The following NSL1 variants were observed in gnomAD, a reference collection of about 807,000 sequenced individuals.
NSL1 encodes the protein NSL1 component of MIS12 kinetochore complex, also known as kinetochore-associated protein NSL1 homolog.
Under a neutral mutation model 25.4 loss-of-function variants are expected in NSL1, and 11 were observed. The ratio of observed to expected loss-of-function variants is 0.43; its 90% CI spans 0.27 to 0.72. The LOEUF (loss-of-function observed/expected upper bound fraction) is 0.72, where lower values mean the gene tolerates loss of function less well. Ranked by LOEUF, NSL1 falls within the 30% of genes least tolerant of loss-of-function variation. NSL1 has a pLI of 0.19. For missense variants in NSL1, 330 were observed against 342.7 expected (o/e 0.96, Z 0.29); for synonymous variants, 118 against 120.6 (o/e 0.98, Z 0.14).
intron 4 of NSL1, among the ~76,000 whole-genome samples, chr1:212,767,565 T>C (rs545471185): frequency 6.6e-6 from 1 of 151,916 alleles, no homozygotes; most frequent in Non-Finnish European, 1.5e-5. Flanking sequence ...CAAAAATAAA[T>C]AAATGGGACC....
chr1:212,761,852 G>A (rs1659580708), intron 4 of NSL1, among the ~76,000 whole-genome samples: 1 of 151,480 alleles, frequency 6.6e-6, no homozygotes, highest in Admixed American at 6.6e-5. Context: ...AAATACAATT[G>A]AGAGCTTCAG....
intron 4 of NSL1, among the ~76,000 whole-genome samples, chr1:212,753,215 C>T (rs901641787): frequency 6.6e-6 from 1 of 152,226 alleles, no homozygotes; most frequent in African/African-American, 2.4e-5. Flanking sequence ...CCATGTTGCA[C>T]CTCTCTTAAG....
In NSL1 at chr1:212,738,177, T is replaced by C; in HGVS notation, c.*231A>G. The C allele has an allele frequency of 8.1e-7, 1 of 1,241,628 alleles. No homozygotes were observed. 76.9% of individuals were successfully genotyped at this position (1,241,628 alleles called of 1,614,324 possible). The stretch of plus-strand genomic sequence containing the variant: ...TTTTAATATTTTTAATGCCCACTGA[T>C]GGGCTTTGTGTCAATACTTTTTAAA... On this transcript the variant is annotated 3_prime_UTR_variant, in exon 6 of 6. Transcript: ENST00000366977.
intron 4 of NSL1, among the ~76,000 whole-genome samples, chr1:212,749,339 GTTTTT>G (rs10717383): frequency 5.2e-5 from 4 of 76,952 alleles, no homozygotes; most frequent in South Asian, 5.1e-4. Context: ...GTTTTATTGT[GTTTTT>G]TTTTTTTTTT....
At chr1:212,773,554 G>A (rs76357354) in intron 4 of NSL1, among the ~76,000 whole-genome samples, 3,469 of 152,272 alleles carry the variant, frequency 0.023, 63 homozygotes, top group South Asian at 0.042. Context: ...GTGAGGATGT[G>A]AAGAAAAGGG....
chr1:212,738,789 G>A, intron 5 of NSL1, 103 bp from the exon 6 acceptor site: 1 of 909,242 alleles, frequency 1.1e-6, no homozygotes, highest in Non-Finnish European at 1.6e-6. Flanking sequence ...TTCTTGAGAA[G>A]TCTTGCTTTG....
At chr1:212,784,642 G>A (rs1660865354) in intron 2 of NSL1, 149 bp from the exon 3 acceptor site, 1 of 479,888 alleles carries the variant, frequency 2.1e-6, no homozygotes, top group Admixed American at 3.7e-5. Flanking sequence ...CCCCACTTTG[G>A]TGATTAATTT....
intron 4 of NSL1, among the ~76,000 whole-genome samples, chr1:212,779,012 G>A (rs1405138848): frequency 3.4e-5 from 5 of 147,312 alleles, no homozygotes; most frequent in African/African-American, 7.6e-5. Flanking sequence ...CTGCCCGGCC[G>A]CCCATCGTCT....
At chr1:212,757,444 A>G (rs1659368074) in intron 4 of NSL1, among the ~76,000 whole-genome samples, 1 of 152,208 alleles carries the variant, frequency 6.6e-6, no homozygotes, top group African/African-American at 2.4e-5. Flanking sequence ...AGGAATATGT[A>G]AGACTGGGTA....
At chr1:212,790,833 G>A (rs1049901164) in intron 1 of NSL1, among the ~76,000 whole-genome samples, 16 of 151,980 alleles carry the variant, frequency 1.1e-4, no homozygotes, top group African/African-American at 3.6e-4. Context: ...TGAGGCAGGA[G>A]AATGGCGTGA....
chr1:212,758,510 G>A (rs1285855496), intron 4 of NSL1, among the ~76,000 whole-genome samples: 1 of 152,100 alleles, frequency 6.6e-6, no homozygotes, highest in Non-Finnish European at 1.5e-5. Flanking sequence ...CTACACAGTA[G>A]CAAAGAAGAA....
At chr1:212,763,369 A>C (rs6690689) in intron 4 of NSL1, among the ~76,000 whole-genome samples, 61,091 of 151,530 alleles carry the variant, frequency 0.4, 13,917 homozygotes, top group Non-Finnish European at 0.51. Context: ...AAAAACAACA[A>C]CAGAATGAAA....
At chr1:212,748,391 C>A (rs572326818) in intron 4 of NSL1, among the ~76,000 whole-genome samples, 1 of 152,002 alleles carries the variant, frequency 6.6e-6, no homozygotes, top group Non-Finnish European at 1.5e-5. Context: ...TATATATCTA[C>A]GAGAGATGAG....
In NSL1 at chr1:212,779,707, C is replaced by T. The variant is rs71515164; in HGVS notation, c.499+2665G>A. ...GGAAGTGAGGAGCCCCACTGCCCGG[C>T]CAGCCGCCCCATCCGGGAGGGAGGT... On this transcript the variant is annotated intron_variant, in intron 4 of 5. Transcript: ENST00000366977. 8.4e-3 allele frequency among the ~76,000 whole-genome samples: 396 copies of T among 47,364 alleles called. 60 individuals carry two copies. The highest frequency in any genetic ancestry group is 0.016 in the Non-Finnish European group (242 of 15,422). The allele number at this position is 47,364 out of a possible 152,430, so 31.1% of individuals were successfully genotyped here.
At chr1:212,740,649 G>A (rs1658462711) in intron 4 of NSL1, among the ~76,000 whole-genome samples, 1 of 152,100 alleles carries the variant, frequency 6.6e-6, no homozygotes, top group African/African-American at 2.4e-5. Context: ...CCAAGACACA[G>A]GACATTTTCA....
chr1:212,738,173 C>T lies in NSL1; in HGVS notation c.*235G>A. ...GCACTTTTAATATTTTTAATGCCCA[C>T]TGATGGGCTTTGTGTCAATACTTTT... On this transcript the variant is annotated 3_prime_UTR_variant, in exon 6 of 6. Coordinates refer to ENST00000366977, the MANE Select transcript of NSL1 (RefSeq NM_015471.4). 2 of 1,227,586 alleles carry T rather than the reference C, an allele frequency of 1.6e-6. No individual in the cohort carries two copies. Among genetic ancestry groups the T allele is most frequent in the Non-Finnish European group, 2.0e-6 (2 of 983,340 alleles). The allele number at this position is 1,227,586 out of a possible 1,614,324, so 76.0% of individuals were successfully genotyped here. A position where few individuals can be genotyped will look rare whatever the true frequency, so the allele number is the denominator to read the frequency against.
In NSL1 at chr1:212,791,516, A is replaced by G. The variant is rs763106769; in HGVS notation, c.234+14T>C. On this transcript the variant is annotated intron_variant, in intron 1 of 5. Transcript: ENST00000366977. Reference sequence around the variant, plus strand: ...GAGGATGATGAGTAAAGAACTGGCTAACTGGTCCCGTACCCACTGCGCATC... The same window carrying G: ...GAGGATGATGAGTAAAGAACTGGCTGACTGGTCCCGTACCCACTGCGCATC... The G allele has an allele frequency of 1.2e-6, 2 of 1,605,918 alleles. No individual in the cohort carries two copies. Among genetic ancestry groups the G allele is most frequent in the South Asian group, 1.1e-5 (1 of 90,748 alleles).
chr1:212,751,003 GAATATACTCGTAGTAAT>G (rs1007116930), intron 4 of NSL1, among the ~76,000 whole-genome samples: 1 of 151,970 alleles, frequency 6.6e-6, no homozygotes, highest in Non-Finnish European at 1.5e-5. Flanking sequence ...ATTCAAGAAA[GAATATACTCGTAGTAAT>G]AATTATCTGA....
chr1:212,775,340 C>G (rs1034306245), intron 4 of NSL1, among the ~76,000 whole-genome samples: 2 of 150,820 alleles, frequency 1.3e-5, no homozygotes, highest in African/African-American at 2.5e-5. Flanking sequence ...TGTTGCATAA[C>G]TCTGTGAATA....
Sources: gnomAD v4.1 joint callset for allele counts (sites outside exome capture counted in the v4.1 genomes callset) on GRCh38, gnomAD v4.1.1 for gene constraint, MANE v1.5 for transcripts, NCBI Gene and HGNC (gene_info 2026-07-23, HGNC 2026-07-21) for gene names.